Variants in RPRD2 observed in about 807,000 individuals in gnomAD.
RPRD2 encodes the protein regulation of nuclear pre-mRNA domain containing 2, also known as regulation of nuclear pre-mRNA domain-containing protein 2.
RPRD2 carries 12 observed loss-of-function variants against 104.4 expected under a neutral mutation model. The observed-to-expected ratio is 0.11, with a 90% CI of 0.07 to 0.19. The LOEUF (loss-of-function observed/expected upper bound fraction) is 0.19, where lower values mean the gene tolerates loss of function less well. Ranked by LOEUF, RPRD2 falls within the 10% of genes least tolerant of loss-of-function variation. The pLI is 1.00. For synonymous variants in RPRD2, 714 were observed against 684.9 expected (o/e 1.04, Z -0.66); for missense variants, 1,543 against 1,790.1 (o/e 0.86, Z 2.49).
chr1:150,416,623 C>G (rs1489171803), intron 1 of RPRD2, among the ~76,000 whole-genome samples: 1 of 152,076 alleles, frequency 6.6e-6, no homozygotes, highest in Non-Finnish European at 1.5e-5. Flanking sequence ...AATCCCAGCA[C>G]TTTGGGGAGG....
At chr1:150,424,105 T>A (rs1664951333) in intron 2 of RPRD2, among the ~76,000 whole-genome samples, 5 of 152,130 alleles carry the variant, frequency 3.3e-5, no homozygotes. Context: ...TGAGAATTTC[T>A]ACTTAAATGT....
intron 2 of RPRD2, among the ~76,000 whole-genome samples, chr1:150,439,229 C>T (rs1353530543): frequency 2.0e-5 from 3 of 152,170 alleles, no homozygotes; most frequent in African/African-American, 7.2e-5. Flanking sequence ...ACAATTTCAG[C>T]ATTACTATCT....
intron 9 of RPRD2, among the ~76,000 whole-genome samples, chr1:150,460,873 G>A (rs1288281285): frequency 6.7e-6 from 1 of 149,770 alleles, no homozygotes; most frequent in Non-Finnish European, 1.5e-5. Flanking sequence ...CTACAGGCAT[G>A]TGCCACCATG....
intron 9 of RPRD2, among the ~76,000 whole-genome samples, chr1:150,461,296 C>T (rs1161932345): frequency 6.6e-6 from 1 of 151,736 alleles, no homozygotes; most frequent in Non-Finnish European, 1.5e-5. Flanking sequence ...CCAAAGGAAA[C>T]CACTTGTGTT....
Position 150,471,888 on chromosome 1 carries a change from C to T in RPRD2, c.2940C>T (p.Thr980=). The T allele has an allele frequency of 1.2e-6, 2 of 1,613,982 alleles. No individual in the cohort carries two copies. The highest frequency in any genetic ancestry group is 1.7e-6 in the Non-Finnish European group (2 of 1,179,886). Reference sequence around the variant, plus strand: ...GTTCCCTTTTCTCTCCGCAGAACACCCTTGCCGCTCCCACGGGTCACCCAC... The same window carrying T: ...GTTCCCTTTTCTCTCCGCAGAACACTCTTGCCGCTCCCACGGGTCACCCAC... The part of the protein sequence containing the change: ...PHRSLFSPQN[T]LAAPTGHPPT... Residue 980 remains threonine (T), a synonymous_variant, in exon 11 of 11, where the codon ACC becomes ACT. Coordinates refer to ENST00000369068, the MANE Select transcript of RPRD2 (RefSeq NM_015203.5). The surrounding 1 kb of genome is among the most constrained non-coding windows in gnomAD (Gnocchi z 5.3).
At chr1:150,387,913 C>CTTTTTTT (rs34188350) in intron 1 of RPRD2, among the ~76,000 whole-genome samples, 2 of 94,602 alleles carry the variant, frequency 2.1e-5, no homozygotes, top group Non-Finnish European at 4.0e-5. Context: ...TTTCTTTTCT[C>CTTTTTTT]TTTTTTTTTT....
chr1:150,458,258 C>T (rs782151488), intron 8 of RPRD2, among the ~76,000 whole-genome samples: 1 of 152,064 alleles, frequency 6.6e-6, no homozygotes, highest in Non-Finnish European at 1.5e-5. Context: ...ACTTTGAGAC[C>T]AGCCTGGGCA....
chr1:150,396,062 G>A (rs185757628), intron 1 of RPRD2, among the ~76,000 whole-genome samples: 2 of 152,208 alleles, frequency 1.3e-5, no homozygotes, highest in Non-Finnish European at 2.9e-5. Context: ...GTATCACATT[G>A]TGGTTTTGAT....
intron 1 of RPRD2, among the ~76,000 whole-genome samples, chr1:150,398,667 C>T (rs587660165): frequency 6.8e-4 from 104 of 152,016 alleles, no homozygotes; most frequent in African/African-American, 2.3e-3. Context: ...CTTCAGCCTC[C>T]GGAGTAGCTG....
chr1:150,438,816 G>A (rs57971032), intron 2 of RPRD2, among the ~76,000 whole-genome samples: 7,279 of 151,996 alleles, frequency 0.048, 440 homozygotes, highest in African/African-American at 0.13. Context: ...ATAGGCAGCT[G>A]TAACAATGGT....
At chr1:150,467,362 CTTTTTA>C (rs1266040357) in intron 10 of RPRD2, among the ~76,000 whole-genome samples, 1 of 152,068 alleles carries the variant, frequency 6.6e-6, no homozygotes, top group Admixed American at 6.6e-5. Flanking sequence ...TGCTTTCTCC[CTTTTTA>C]TTTTTATTTG....
intron 1 of RPRD2, among the ~76,000 whole-genome samples, chr1:150,411,577 G>C (rs1292685049): frequency 8.1e-6 from 1 of 123,400 alleles, no homozygotes; most frequent in East Asian, 2.1e-4. Flanking sequence ...GATCACCTGA[G>C]GTCAGGAGTT....
intron 1 of RPRD2, among the ~76,000 whole-genome samples, chr1:150,374,464 T>C (rs1660554138): frequency 6.6e-6 from 1 of 152,182 alleles, no homozygotes; most frequent in Non-Finnish European, 1.5e-5. Flanking sequence ...AAGGGGGTTG[T>C]GTGAGCCCCG....
chr1:150,426,400 T>C (rs1450990497), intron 2 of RPRD2, among the ~76,000 whole-genome samples: 1 of 152,194 alleles, frequency 6.6e-6, no homozygotes, highest in Non-Finnish European at 1.5e-5. Context: ...TATTTAACTT[T>C]CTCGTGCTTC....
chr1:150,369,622 A>ACTTTTTTTTTT (rs1660136912), intron 1 of RPRD2, among the ~76,000 whole-genome samples: 1 of 49,662 alleles, frequency 2.0e-5, no homozygotes, highest in Non-Finnish European at 4.7e-5. Flanking sequence ...GCGCCCAGCT[A>ACTTTTTTTTTT]ATTTTTTTTT....
At position 150,476,269 on chromosome 1, in the gene RPRD2, C is replaced by T. The variant is rs920920108; in HGVS notation, c.*2935C>T. ...CAAACCTATCGAGATAATGTGAATA[C>T]GATAAACTTCCTAATGGCAGGATAT... is the stretch of plus-strand genomic sequence containing the variant. On this transcript the variant is annotated 3_prime_UTR_variant, in exon 11 of 11. Coordinates refer to ENST00000369068, the MANE Select transcript of RPRD2 (RefSeq NM_015203.5). The T allele has an allele frequency of 6.6e-6, 1 of 152,160 alleles. No homozygotes were observed. The highest frequency in any genetic ancestry group is 1.5e-5 in the Non-Finnish European group (1 of 68,034). 9.4% of individuals were successfully genotyped at this position (152,160 alleles called of 1,614,324 possible). A position where few individuals can be genotyped will look rare whatever the true frequency, so the allele number is the denominator to read the frequency against.
chr1:150,451,531 C>T (rs1176909919), intron 7 of RPRD2, among the ~76,000 whole-genome samples: 2 of 151,752 alleles, frequency 1.3e-5, no homozygotes, highest in East Asian at 1.9e-4. Flanking sequence ...AAAAATTAGC[C>T]GGGCGCAGTG....
At chr1:150,378,479 A>C (rs1192598839) in intron 1 of RPRD2, among the ~76,000 whole-genome samples, 1 of 152,102 alleles carries the variant, frequency 6.6e-6, no homozygotes, top group African/African-American at 2.4e-5. Context: ...GTATATTGGT[A>C]TTTTATAGTG....
At chr1:150,406,360 G>A (rs782078483) in intron 1 of RPRD2, among the ~76,000 whole-genome samples, 3 of 152,100 alleles carry the variant, frequency 2.0e-5, no homozygotes, top group African/African-American at 4.8e-5. Flanking sequence ...TTTGTTTAGG[G>A]TTCTTGTTAA....
Sources: gnomAD v4.1 joint callset for allele counts (sites outside exome capture counted in the v4.1 genomes callset) on GRCh38, gnomAD v4.1.1 for gene constraint, Gnocchi (gnomAD v3.1) non-coding constraint, MANE v1.5 for transcripts, NCBI Gene and HGNC (gene_info 2026-07-23, HGNC 2026-07-21) for gene names.